SVIL: variants seen among roughly 807,000 people sequenced by gnomAD.
The protein encoded by SVIL is archvillin.
SVIL carries 101 observed loss-of-function variants against 240.4 expected under a neutral mutation model. The observed-to-expected ratio is 0.42, with a 90% CI of 0.36 to 0.50. The LOEUF is 0.50. Among genes scored for constraint, SVIL ranks in the 20% least tolerant of loss-of-function variants. The pLI, the probability that SVIL is intolerant of heterozygous loss-of-function variation, is 0.01. For missense variants in SVIL, 2,512 were observed against 2,818.7 expected, an observed-to-expected ratio of 0.89 and a Z score of 2.46; for synonymous variants, 999 against 1,100.0, an observed-to-expected ratio of 0.91 and a Z score of 1.82.
At position 29,524,026 on chromosome 10, in the gene SVIL, A is replaced by C. The variant is rs1486818598; in HGVS notation, c.2588T>G (p.Val863Gly). 6.3e-7 allele frequency: 1 copy of C among 1,592,670 alleles called. No individual in the cohort carries two copies. Residue 863 changes from valine (V) to glycine (G), a missense_variant and splice_region_variant, in exon 15 of 38, where the codon GTG becomes GGG. Val to Gly is a moderately radical substitution (Grantham distance 109). Around this residue, in one of 3 missense-constraint regions of SVIL, gnomAD observed 1,443 missense variants for 1,486.6 expected, o/e 0.97. Transcript: ENST00000355867. ...QPVTLGEVEQ[V>G]QSGKLIPFSP... ...GAAAGGAATGAGCTTTCCACTCTGC[A>C]CCTGGAAGGACACAGTTAAAAATTA...
chr10:29,504,703 C>A (rs1260452911), intron 17 of SVIL, among the ~76,000 whole-genome samples: 1 of 152,210 alleles, frequency 6.6e-6, no homozygotes, highest in Non-Finnish European at 1.5e-5. Flanking sequence ...ACACCAAATG[C>A]TGGCAAGGAT....
Position 29,536,077 on chromosome 10 carries a change from G to A in SVIL, c.828-8C>T, listed in dbSNP as rs376693071. ...TGTTTGGGTTTCCCTGTACTATTGT[G>A]TACAAAAAACAAAACCAGATAATCT... On this transcript the variant is annotated splice_region_variant and splice_polypyrimidine_tract_variant and intron_variant, in intron 6 of 37. Transcript: ENST00000355867. The A allele has an allele frequency of 4.7e-5, 76 of 1,613,894 alleles. No individual in the cohort carries two copies. In the African/African-American group the frequency reaches 9.6e-4, roughly 20 times the overall value.
At chr10:29,623,729 G>A (rs1266610574) in intron 1 of SVIL, among the ~76,000 whole-genome samples, 2 of 152,176 alleles carry the variant, frequency 1.3e-5, no homozygotes, top group Non-Finnish European at 1.5e-5. Flanking sequence ...GCACGCGCCT[G>A]TAGTCCAGCT....
At chr10:29,572,202 A>G (rs936968374) in intron 1 of SVIL, among the ~76,000 whole-genome samples, 1 of 152,216 alleles carries the variant, frequency 6.6e-6, no homozygotes, top group African/African-American at 2.4e-5. Context: ...CATAAACACA[A>G]GGTACATCAA....
chr10:29,730,605 GAAGT>G (rs1276943183), intron 1 of SVIL, among the ~76,000 whole-genome samples: 5 of 152,208 alleles, frequency 3.3e-5, no homozygotes, highest in Non-Finnish European at 4.4e-5. Context: ...CAAAAGGGAT[GAAGT>G]AAGAGATACA....
chr10:29,509,319 A>AGGAGGG (rs1445476745), intron 17 of SVIL, among the ~76,000 whole-genome samples: 1 of 75,822 alleles, frequency 1.3e-5, no homozygotes, highest in Non-Finnish European at 2.6e-5. Context: ...GAAAGGGAGA[A>AGGAGGG]GGAGGGGGAG....
intron 5 of SVIL, among the ~76,000 whole-genome samples, chr10:29,552,651 C>A (rs559932463): frequency 2.0e-4 from 31 of 152,074 alleles, no homozygotes; most frequent in African/African-American, 6.7e-4. Context: ...AACAGGCATT[C>A]CATTATTACC....
At position 29,490,887 on chromosome 10, in the gene SVIL, G is replaced by T; in HGVS notation, c.4152C>A (p.Asn1384Lys). The T allele has an allele frequency of 6.2e-7, 1 of 1,613,986 alleles. No homozygotes were observed. Among genetic ancestry groups the T allele is most frequent in the Non-Finnish European group, 8.5e-7 (1 of 1,179,854 alleles). ...TCCGCTTTGACTCCATGAAGGCAAC[G>T]TTTAATCTCTGCTCAGTGTATTCCT... is the stretch of plus-strand genomic sequence containing the variant. ...LLQEYTEQRLNVAFMESKRMK... is the reference protein window; with the variant it reads ...LLQEYTEQRLKVAFMESKRMK... Residue 1384 changes from asparagine to lysine, a missense_variant, in exon 22 of 38, where the codon AAC becomes AAA. Transcript: ENST00000355867.
intron 23 of SVIL, among the ~76,000 whole-genome samples, chr10:29,488,208 C>A (rs1315172703): frequency 9.3e-5 from 12 of 128,510 alleles, no homozygotes; most frequent in African/African-American, 3.4e-4. Flanking sequence ...GAGAACTGGG[C>A]AGAGAGCAGA....
intron 28 of SVIL, 76 bp from the exon 29 acceptor site, chr10:29,480,889 A>G: frequency 6.6e-7 from 1 of 1,508,874 alleles, no homozygotes; most frequent in Non-Finnish European, 9.0e-7. Context: ...ATGCTGCTTC[A>G]GCTGTTCATG....
chr10:29,727,803 A>G (rs1269354276), intron 1 of SVIL, among the ~76,000 whole-genome samples: 1 of 152,044 alleles, frequency 6.6e-6, no homozygotes, highest in Non-Finnish European at 1.5e-5. Flanking sequence ...TGCAGGGAAC[A>G]AGTGCCAGGT....
At chr10:29,729,374 A>G (rs1964468187) in intron 1 of SVIL, among the ~76,000 whole-genome samples, 1 of 151,922 alleles carries the variant, frequency 6.6e-6, no homozygotes, top group Non-Finnish European at 1.5e-5. Flanking sequence ...AGGTGAAGTC[A>G]TCTTCTGAAA....
chr10:29,668,000 T>A (rs551378057), intron 2 of SVIL, among the ~76,000 whole-genome samples: 2 of 152,356 alleles, frequency 1.3e-5, no homozygotes, highest in Admixed American at 1.3e-4. Context: ...ATTGTCATCT[T>A]CTACAAGGTT....
At chr10:29,469,683 A>G (rs987770324) in intron 32 of SVIL, among the ~76,000 whole-genome samples, 3 of 152,246 alleles carry the variant, frequency 2.0e-5, no homozygotes, top group Middle Eastern at 3.4e-3. Flanking sequence ...ACTCAGTGCT[A>G]TCTCACAGTG....
intron 1 of SVIL, among the ~76,000 whole-genome samples, chr10:29,734,042 C>T (rs1964765186): frequency 6.6e-6 from 1 of 152,182 alleles, no homozygotes; most frequent in South Asian, 2.1e-4. Context: ...ACAGCTTAAA[C>T]AAGGTGGGAA....
In SVIL at chr10:29,552,127, AAC is replaced by A. The variant is rs796962633; in HGVS notation, c.161-866_161-865del. ...AGCAAGACCTTGTCTCAAAAAACAA[AAC>A]AAAAAAAAAAACCTATCAATCATCA... On this transcript the variant is annotated intron_variant, in intron 5 of 37. Coordinates refer to ENST00000355867, the MANE Select transcript of SVIL (RefSeq NM_021738.3). Among the ~76,000 whole-genome samples, 90 of 67,062 alleles carry A rather than the reference AAC, an allele frequency of 1.3e-3. 1 individual carries two copies. Among genetic ancestry groups the A allele is most frequent in the African/African-American group, 5.9e-3 (84 of 14,140 alleles). The allele number at this position is 67,062 out of a possible 152,430, so 44.0% of individuals were successfully genotyped here.
chr10:29,476,849 G>A (rs747741788), intron 29 of SVIL, among the ~76,000 whole-genome samples: 1 of 151,940 alleles, frequency 6.6e-6, no homozygotes, highest in African/African-American at 2.4e-5. Context: ...TAAATTTTTA[G>A]TAGTAAGAAC....
chr10:29,575,235 G>C (rs1955638881), intron 1 of SVIL: 1 of 156,316 alleles, frequency 6.4e-6, no homozygotes, highest in Admixed American at 6.5e-5. Flanking sequence ...TTTCCCACCA[G>C]TGTTTAAGGA....
chr10:29,714,194 G>T (rs1398218328), intron 1 of SVIL, among the ~76,000 whole-genome samples: 2 of 152,178 alleles, frequency 1.3e-5, no homozygotes, highest in East Asian at 3.9e-4. Context: ...ATTTCAGAGG[G>T]CCATTCCTTC....
Sources: allele counts gnomAD v4.1 joint callset (sites outside exome capture counted in the v4.1 genomes callset), GRCh38; gene constraint gnomAD v4.1.1; regional missense constraint gnomAD v4.1.1; transcripts MANE v1.5; gene names NCBI Gene and HGNC (gene_info 2026-07-23, HGNC 2026-07-21).